ATCAY: variants seen among roughly 807,000 people sequenced by gnomAD.
ATCAY encodes the protein ATCAY kinesin light chain interacting caytaxin, also known as caytaxin.
Under a neutral mutation model 47.7 loss-of-function variants are expected in ATCAY, and 22 were observed. That is an observed-to-expected ratio of 0.46 (90% CI 0.33 to 0.66). ATCAY has a LOEUF of 0.66. Among genes scored for constraint, ATCAY ranks in the 30% least tolerant of loss-of-function variants. ATCAY has a pLI of 0.02. For synonymous variants in ATCAY, 216 were observed against 207.6 expected (o/e 1.04, Z -0.35); for missense variants, 452 against 515.0 (o/e 0.88, Z 1.18).
At chr19:3,889,577 G>A (rs1599277130) in intron 2 of ATCAY, among the ~76,000 whole-genome samples, 1 of 152,210 alleles carries the variant, frequency 6.6e-6, no homozygotes, top group East Asian at 1.9e-4. Flanking sequence ...CTGGACAACA[G>A]AGCAAGACTG....
rs1021135567 is a variant in ATCAY, at chr19:3,907,994, C to T, written c.544+75C>T. The T allele has an allele frequency of 2.7e-6, 4 of 1,505,856 alleles. No homozygotes were observed. In the African/African-American group the frequency reaches 5.5e-5, roughly 21 times the overall value. 93.3% of individuals were successfully genotyped at this position (1,505,856 alleles called of 1,614,324 possible). On this transcript the variant is annotated intron_variant, in intron 5 of 12. Transcript: ENST00000450849. The surrounding 1 kb of genome is among the most constrained non-coding windows in gnomAD (Gnocchi z 5.1). ...GGCAACAGGGGGTTCGTCAGTGCCCCTCTCTGATGCACGGGGATGTTAAGC... is the reference window on the plus strand; with the variant it reads ...GGCAACAGGGGGTTCGTCAGTGCCCTTCTCTGATGCACGGGGATGTTAAGC...
rs193111303 is a variant in ATCAY at position 3,915,959 on chromosome 19, G to C, written c.966-1783G>C. On this transcript the variant is annotated intron_variant, in intron 9 of 12. Transcript: ENST00000450849. ...CCTGGCTCGGCCTCACAAAGTGCTG[G>C]GATTACAGGCATGAGCCACTGCACC... Among the ~76,000 whole-genome samples the C allele has an allele frequency of 7.4e-3, 1,125 of 152,020 alleles. 9 individuals carry two copies. Among genetic ancestry groups the C allele is most frequent in the Non-Finnish European group, 0.011 (738 of 67,972 alleles).
chr19:3,911,844 C>T (rs1013363450), intron 8 of ATCAY, among the ~76,000 whole-genome samples: 10 of 152,144 alleles, frequency 6.6e-5, no homozygotes, highest in African/African-American at 2.4e-4. Context: ...CAACAGGACA[C>T]ATTCACAGCA....
In ATCAY at chr19:3,924,973, G is replaced by C. The variant is rs1276974817; in HGVS notation, c.*381G>C. On this transcript the variant is annotated 3_prime_UTR_variant, in exon 13 of 13. Transcript: ENST00000450849. ...ATACAAGATTCAAGACCCTTCTCTTGCTTGTCACCCGCTCCAGGTTGGAGC... is the reference window on the plus strand; with the variant it reads ...ATACAAGATTCAAGACCCTTCTCTTCCTTGTCACCCGCTCCAGGTTGGAGC... 3.2e-5 allele frequency: 6 copies of C among 184,630 alleles called. No individual in the cohort carries two copies. The highest frequency in any genetic ancestry group is 6.8e-5 in the Non-Finnish European group (6 of 88,236). 11.4% of individuals were successfully genotyped at this position (184,630 alleles called of 1,614,324 possible).
chr19:3,916,338 A>G (rs1399370572), intron 9 of ATCAY, among the ~76,000 whole-genome samples: 4 of 152,094 alleles, frequency 2.6e-5, no homozygotes, highest in African/African-American at 7.2e-5. Flanking sequence ...GCTCTTGTGA[A>G]TAGTCATGTT....
At chr19:3,905,740 G>A in intron 4 of ATCAY, 85 bp downstream of exon 4, 1 of 1,298,396 alleles carries the variant, frequency 7.7e-7, no homozygotes. Context: ...TAGGCTCAGA[G>A]AGTCACAAGT....
chr19:3,888,401 G>A (rs984070834), intron 2 of ATCAY, among the ~76,000 whole-genome samples: 1 of 151,890 alleles, frequency 6.6e-6, no homozygotes, highest in African/African-American at 2.4e-5. Context: ...AGGCCGAGGC[G>A]GGCAAATCAC....
intron 11 of ATCAY, among the ~76,000 whole-genome samples, chr19:3,919,313 G>A (rs898417648): frequency 1.3e-5 from 2 of 151,378 alleles, no homozygotes; most frequent in African/African-American, 4.9e-5. Context: ...AAAATTATCG[G>A]CCGGGTGTGG....
At chr19:3,883,245 G>A (rs1485726310) in intron 1 of ATCAY, among the ~76,000 whole-genome samples, 4 of 152,074 alleles carry the variant, frequency 2.6e-5, no homozygotes, top group African/African-American at 4.8e-5. Flanking sequence ...GTGGTGGCAC[G>A]CGCCTGTAGT....
At chr19:3,920,973 C>A (rs73530346) in intron 12 of ATCAY, 175 bp downstream of exon 12, 2 of 735,820 alleles carry the variant, frequency 2.7e-6, no homozygotes, top group Non-Finnish European at 4.6e-6. Context: ...GTGGGGGATA[C>A]GGCACCGGGA....
chr19:3,902,683 A>C (rs900864966), intron 3 of ATCAY, 138 bp downstream of exon 3: 4 of 968,406 alleles, frequency 4.1e-6, no homozygotes, highest in Non-Finnish European at 4.6e-6. Context: ...CTATGGTGGA[A>C]GTGGCCGTGG....
rs551193569 is a variant in ATCAY at position 3,919,530 on chromosome 19, T to A, written c.1073+653T>A. Among the ~76,000 whole-genome samples, 1,064 of 152,166 alleles carry A rather than the reference T, an allele frequency of 7.0e-3. 12 individuals carry two copies. The highest frequency in any genetic ancestry group is 0.025 in the African/African-American group (1,030 of 41,502). On this transcript the variant is annotated intron_variant, in intron 11 of 12. Coordinates refer to ENST00000450849, the MANE Select transcript of ATCAY (RefSeq NM_033064.5). Reference sequence around the variant, plus strand: ...TCACTTGAACCTGGGAGGCGGAGGTTGCAGTGAGCCGAGATCAGACCACTG... The same window carrying A: ...TCACTTGAACCTGGGAGGCGGAGGTAGCAGTGAGCCGAGATCAGACCACTG...
chr19:3,906,794 A>G, intron 4 of ATCAY, among the ~76,000 whole-genome samples: 1 of 152,064 alleles, frequency 6.6e-6, no homozygotes, highest in East Asian at 1.9e-4. Flanking sequence ...GGGCTATGAT[A>G]AGAAGAGATG....
chr19:3,909,710 C>T (rs2145251558), intron 7 of ATCAY, 93 bp downstream of exon 7: 2 of 1,505,536 alleles, frequency 1.3e-6, no homozygotes, highest in South Asian at 2.4e-5. Flanking sequence ...CCCAGCACTT[C>T]GGGAGGCTGA....
chr19:3,907,979 G>C lies in ATCAY; in HGVS notation c.544+60G>C, dbSNP rs2038879795. 3.2e-6 allele frequency: 5 copies of C among 1,564,676 alleles called. No homozygotes were observed. The highest frequency in any genetic ancestry group is 1.4e-5 in the African/African-American group (1 of 73,726). ...CAGCCCGGCCCACTGGGCAACAGGGGGTTCGTCAGTGCCCCTCTCTGATGC... is the reference window on the plus strand; with the variant it reads ...CAGCCCGGCCCACTGGGCAACAGGGCGTTCGTCAGTGCCCCTCTCTGATGC... On this transcript the variant is annotated intron_variant, in intron 5 of 12. Coordinates refer to ENST00000450849, the MANE Select transcript of ATCAY (RefSeq NM_033064.5). This position sits in a 1 kb window ranked among gnomAD's most constrained non-coding sequence, Gnocchi z 5.1.
intron 8 of ATCAY, 101 bp downstream of exon 8, chr19:3,910,990 T>C (rs2038917990): frequency 8.1e-7 from 1 of 1,241,290 alleles, no homozygotes; most frequent in Non-Finnish European, 1.2e-6. Context: ...CGTGTGTGCG[T>C]GTGTGCATCT....
rs1004449762 is a variant in ATCAY, at chr19:3,881,870, C to CG, written c.-42+862_-42+863insG. On this transcript the variant is annotated intron_variant, in intron 1 of 12. Coordinates refer to ENST00000450849, the MANE Select transcript of ATCAY (RefSeq NM_033064.5). ...GCCTGGCTGGCTGCTGCCACCGCCC[C>CG]CCCCCCGACCCCATAGCATCCAGGA... Among the ~76,000 whole-genome samples, 21 of 135,660 alleles carry CG rather than the reference C, an allele frequency of 1.5e-4. 1 individual carries two copies. Among genetic ancestry groups the CG allele is most frequent in the South Asian group, 2.3e-4 (1 of 4,336 alleles). The allele number at this position is 135,660 out of a possible 152,430, so 89.0% of individuals were successfully genotyped here. A position where few individuals can be genotyped will look rare whatever the true frequency, so the allele number is the denominator to read the frequency against.
intron 10 of ATCAY, 69 bp downstream of exon 10, chr19:3,917,846 G>C: frequency 6.4e-7 from 1 of 1,552,374 alleles, no homozygotes; most frequent in South Asian, 1.2e-5. Context: ...CTCTCAGTTA[G>C]GGCAACCCGG....
At chr19:3,888,504 C>T (rs770937258) in intron 2 of ATCAY, among the ~76,000 whole-genome samples, 18 of 151,888 alleles carry the variant, frequency 1.2e-4, no homozygotes, top group Non-Finnish European at 1.8e-4. Context: ...GTGGTGGGCA[C>T]CTGTAATCCC....
Sources: gnomAD v4.1 joint callset for allele counts (sites outside exome capture counted in the v4.1 genomes callset) on GRCh38, gnomAD v4.1.1 for gene constraint, Gnocchi (gnomAD v3.1) non-coding constraint, MANE v1.5 for transcripts, NCBI Gene and HGNC (gene_info 2026-07-23, HGNC 2026-07-21) for gene names.